Variants in BABAM2 observed in about 807,000 individuals in gnomAD.
BABAM2 encodes the protein BRISC and BRCA1 A complex member 2, also known as BRISC and BRCA1-A complex member 2.
BABAM2 carries 31 observed loss-of-function variants against 54.7 expected under a neutral mutation model. The ratio of observed to expected loss-of-function variants is 0.57; its 90% CI spans 0.43 to 0.77. BABAM2 has a LOEUF of 0.77. Among genes scored for constraint, BABAM2 ranks in the 30% least tolerant of loss-of-function variants. The pLI is 0.00. For synonymous variants in BABAM2, 167 were observed against 162.9 expected (o/e 1.03, Z -0.19); for missense variants, 364 against 455.8 (o/e 0.80, Z 1.83).
chr2:28,070,354 C>T (rs1664008307), intron 6 of BABAM2, among the ~76,000 whole-genome samples: 1 of 152,088 alleles, frequency 6.6e-6, no homozygotes, highest in Admixed American at 6.5e-5. Flanking sequence ...ACTATAATGC[C>T]CCATGCATGT....
chr2:28,314,266 C>T (rs1689327111), intron 11 of BABAM2, among the ~76,000 whole-genome samples: 1 of 152,134 alleles, frequency 6.6e-6, no homozygotes, highest in Admixed American at 6.5e-5. Flanking sequence ...TGCTATTACA[C>T]CTATTTTACG....
intron 7 of BABAM2, among the ~76,000 whole-genome samples, chr2:28,234,029 A>G (rs1318406513): frequency 2.0e-5 from 3 of 152,092 alleles, no homozygotes; most frequent in Admixed American, 6.6e-5. Context: ...GTTTCTTCCC[A>G]TCCCTGTAGT....
intron 4 of BABAM2, among the ~76,000 whole-genome samples, chr2:28,000,482 A>G: frequency 6.6e-6 from 1 of 152,162 alleles, no homozygotes; most frequent in East Asian, 1.9e-4. Flanking sequence ...TACTATTGAT[A>G]TGACTTTGCA....
intron 7 of BABAM2, among the ~76,000 whole-genome samples, chr2:28,203,730 C>T (rs2147963022): frequency 6.6e-6 from 1 of 152,262 alleles, no homozygotes; most frequent in South Asian, 2.1e-4. Flanking sequence ...CTTTTAAGAG[C>T]TTTCCTTTTA....
chr2:28,178,727 C>CA (rs200014405), intron 7 of BABAM2, among the ~76,000 whole-genome samples: 1,882 of 146,932 alleles, frequency 0.013, 35 homozygotes, highest in African/African-American at 0.045. Context: ...TGAACAGCAG[C>CA]AAAAAAACTC....
In BABAM2 at chr2:27,995,047, T is replaced by C. The variant is rs6715216; in HGVS notation, c.300+6960T>C. On this transcript the variant is annotated intron_variant, in intron 4 of 11. Transcript: ENST00000379624. This position sits in a 1 kb window ranked among gnomAD's most constrained non-coding sequence, Gnocchi z 4.1. ...CTATTCTAGAGCTAAGGGAGAGGAA[T>C]AAACTTTGAAGACCCTTTCCCCCAT... 0.99 allele frequency among the ~76,000 whole-genome samples: 151,101 copies of C among 152,282 alleles called. 74,985 individuals are homozygous for C. The highest frequency in any genetic ancestry group is 1 in the Middle Eastern group (294 of 294).
At chr2:28,121,063 G>T (rs950197244) in intron 6 of BABAM2, among the ~76,000 whole-genome samples, 7 of 152,020 alleles carry the variant, frequency 4.6e-5, no homozygotes, top group African/African-American at 1.2e-4. Flanking sequence ...CCTTCATAAG[G>T]GATATCAAAA....
rs544558232 is a variant in BABAM2, at chr2:28,228,647, A to G, written c.681-8555A>G. Among the ~76,000 whole-genome samples the G allele has an allele frequency of 3.3e-5, 5 of 152,236 alleles. No individual in the cohort carries two copies. The East Asian group carries it at 9.6e-4, about 29-fold the overall frequency. On this transcript the variant is annotated intron_variant, in intron 7 of 11. Coordinates refer to ENST00000379624, the MANE Select transcript of BABAM2 (RefSeq NM_199191.3). ...AGCAGGTAGTAGGCCTGGAATCAAG[A>G]TGCAACAAGAGAAAAAAAAAACTTT...
At chr2:28,100,025 T>G (rs1666944781) in intron 6 of BABAM2, among the ~76,000 whole-genome samples, 1 of 152,204 alleles carries the variant, frequency 6.6e-6, no homozygotes, top group African/African-American at 2.4e-5. Flanking sequence ...TATTTTTACT[T>G]TTGCTCTTCA....
At chr2:28,164,973 C>A (rs1673490934) in intron 7 of BABAM2, among the ~76,000 whole-genome samples, 1 of 152,146 alleles carries the variant, frequency 6.6e-6, no homozygotes. Flanking sequence ...AAAAGAGAAA[C>A]CCTTTCCCCT....
At chr2:28,308,704 CT>C (rs1688780687) in intron 11 of BABAM2, 1 of 252,598 alleles carries the variant, frequency 4.0e-6, no homozygotes, top group African/African-American at 2.3e-5. Flanking sequence ...CAGTTCCATA[CT>C]CTTTTCACCA....
chr2:28,233,255 C>G (rs1303943751), intron 7 of BABAM2: 1 of 471,060 alleles, frequency 2.1e-6, no homozygotes, highest in East Asian at 6.9e-5. Flanking sequence ...CCTCATAATT[C>G]TTCCCCAGCC....
At chr2:28,063,228 A>C (rs779992327) in intron 6 of BABAM2, among the ~76,000 whole-genome samples, 1 of 152,250 alleles carries the variant, frequency 6.6e-6, no homozygotes, top group Non-Finnish European at 1.5e-5. Flanking sequence ...CAGAACTATA[A>C]GAAGCTGTGT....
At chr2:28,181,617 C>A (rs1328115939) in intron 7 of BABAM2, among the ~76,000 whole-genome samples, 2 of 151,976 alleles carry the variant, frequency 1.3e-5, no homozygotes, top group African/African-American at 4.8e-5. Flanking sequence ...ACCCTAAATA[C>A]CCTGATTTTG....
intron 3 of BABAM2, among the ~76,000 whole-genome samples, chr2:27,943,903 C>T (rs1404156076): frequency 6.6e-6 from 1 of 152,116 alleles, no homozygotes; most frequent in Non-Finnish European, 1.5e-5. Context: ...TAGACATTCT[C>T]TCTCCTTAGA....
chr2:27,894,896 C>A (rs1008394826), intron 2 of BABAM2: 1 of 503,562 alleles, frequency 2.0e-6, no homozygotes, highest in Admixed American at 3.9e-5. Flanking sequence ...TGTTTTATGA[C>A]TAGAATGTTC....
rs560290808 is a variant in BABAM2, at chr2:27,955,641, GTTTTA to G, written c.205+25738_205+25742del. Among the ~76,000 whole-genome samples the G allele has an allele frequency of 2.7e-4, 41 of 152,232 alleles. No homozygotes were observed. In the South Asian group the frequency reaches 6.6e-3, roughly 25 times the overall value. ...CTTCAGAGTCACACGGGAATTTTTA[GTTTTA>G]TTTTGTTTTAGGCTTTGATTGTCAA... is the stretch of plus-strand genomic sequence containing the variant. On this transcript the variant is annotated intron_variant, in intron 3 of 11. Coordinates refer to ENST00000379624, the MANE Select transcript of BABAM2 (RefSeq NM_199191.3).
chr2:28,111,037 C>T (rs779878563), intron 6 of BABAM2, among the ~76,000 whole-genome samples: 29 of 148,844 alleles, frequency 1.9e-4, no homozygotes, highest in Admixed American at 2.7e-4. Context: ...GGGGCAATCT[C>T]GGCTCACTGC....
chr2:28,273,548 G>T (rs1014308889), intron 10 of BABAM2, among the ~76,000 whole-genome samples: 1 of 152,070 alleles, frequency 6.6e-6, no homozygotes, highest in Non-Finnish European at 1.5e-5. Flanking sequence ...GTGAAACCCC[G>T]TGTCTACTAA....
Sources: gnomAD v4.1 joint callset for allele counts (sites outside exome capture counted in the v4.1 genomes callset) on GRCh38, gnomAD v4.1.1 for gene constraint, Gnocchi (gnomAD v3.1) non-coding constraint, MANE v1.5 for transcripts, NCBI Gene and HGNC (gene_info 2026-07-23, HGNC 2026-07-21) for gene names.